Variants in MICU1 observed in about 807,000 individuals in gnomAD.
MICU1 encodes calcium uptake protein 1, mitochondrial.
In MICU1, 45 loss-of-function variants were observed where a neutral mutation model predicts 56.8. The ratio of observed to expected loss-of-function variants is 0.79; its 90% CI spans 0.62 to 1.02. The LOEUF (loss-of-function observed/expected upper bound fraction) is 1.02, where lower values mean the gene tolerates loss of function less well. Ranked by LOEUF, MICU1 falls within the 50% of genes least tolerant of loss-of-function variation. MICU1 has a pLI of 0.00. For synonymous variants in MICU1, 186 were observed against 195.1 expected (o/e 0.95, Z 0.39); for missense variants, 504 against 587.1 (o/e 0.86, Z 1.46).
chr10:72,457,939 C>T (rs536505298), intron 8 of MICU1, among the ~76,000 whole-genome samples: 37 of 151,998 alleles, frequency 2.4e-4, no homozygotes, highest in African/African-American at 8.0e-4. Context: ...GAAGCCGAGG[C>T]GGGTGGATCA....
chr10:72,481,294 A>G (rs1866286122), intron 6 of MICU1, among the ~76,000 whole-genome samples: 1 of 152,260 alleles, frequency 6.6e-6, no homozygotes, highest in Non-Finnish European at 1.5e-5. Flanking sequence ...TGTAGCCTTC[A>G]GGGCAATTTT....
intron 1 of MICU1, among the ~76,000 whole-genome samples, chr10:72,618,088 G>A (rs1192476898): frequency 6.6e-6 from 1 of 151,036 alleles, no homozygotes; most frequent in African/African-American, 2.4e-5. Context: ...ATTCGCTTGA[G>A]CCTGGGAGGT....
At chr10:72,574,764 T>C (rs1293811827) in intron 1 of MICU1, among the ~76,000 whole-genome samples, 1 of 152,136 alleles carries the variant, frequency 6.6e-6, no homozygotes, top group Non-Finnish European at 1.5e-5. Context: ...GAGGAAAGGA[T>C]AAAGGGAAGC....
At chr10:72,455,985 C>T (rs745723890) in intron 8 of MICU1, among the ~76,000 whole-genome samples, 28 of 152,108 alleles carry the variant, frequency 1.8e-4, no homozygotes, top group Admixed American at 8.5e-4. Flanking sequence ...TACTGATCTA[C>T]AGTGCTGGAA....
intron 5 of MICU1, chr10:72,528,850 A>G (rs1311711424): frequency 6.2e-6 from 1 of 161,244 alleles, no homozygotes; most frequent in Non-Finnish European, 1.4e-5. Context: ...AAATGTGTTC[A>G]TATTCTCTTT....
chr10:72,427,773 T>C (rs994138555), intron 8 of MICU1, among the ~76,000 whole-genome samples: 1 of 146,306 alleles, frequency 6.8e-6, no homozygotes, highest in Non-Finnish European at 1.5e-5. Flanking sequence ...TATATATGAA[T>C]GATAAATTTC....
rs531687394 is a variant in MICU1 at position 72,582,547 on chromosome 10, G to C, written c.-1-15753C>G. 7.2e-5 allele frequency among the ~76,000 whole-genome samples: 11 copies of C among 152,176 alleles called. 1 individual carries two copies. In the South Asian group the frequency reaches 2.3e-3, roughly 32 times the overall value. ...TTGAGCTCAAGCAATCTTGAACCTT[G>C]TCAGGTTCAAGACCAACCTGGACAA... On this transcript the variant is annotated intron_variant, in intron 1 of 11. Coordinates refer to ENST00000361114, the MANE Select transcript of MICU1 (RefSeq NM_001195518.2).
At chr10:72,522,927 A>G (rs1170027436) in intron 5 of MICU1, among the ~76,000 whole-genome samples, 1 of 152,178 alleles carries the variant, frequency 6.6e-6, no homozygotes, top group Non-Finnish European at 1.5e-5. Flanking sequence ...TAATGTAAAA[A>G]GTTTATTCAT....
At chr10:72,425,153 A>G (rs981033154) in intron 8 of MICU1, among the ~76,000 whole-genome samples, 3 of 152,232 alleles carry the variant, frequency 2.0e-5, no homozygotes, top group African/African-American at 7.2e-5. Context: ...GTAAAAGTTC[A>G]CCTATGGGCT....
At chr10:72,543,697 T>C (rs1295630162) in intron 4 of MICU1, among the ~76,000 whole-genome samples, 2 of 151,898 alleles carry the variant, frequency 1.3e-5, no homozygotes, top group African/African-American at 2.4e-5. Context: ...CTACCAAAAA[T>C]ACAAAAAATT....
At chr10:72,434,364 A>G in intron 8 of MICU1, among the ~76,000 whole-genome samples, 1 of 151,980 alleles carries the variant, frequency 6.6e-6, no homozygotes, top group East Asian at 1.9e-4. Context: ...TAAGCCTTAA[A>G]CTCTGGCAGA....
intron 11 of MICU1, among the ~76,000 whole-genome samples, chr10:72,372,570 G>A (rs1296768140): frequency 6.6e-6 from 1 of 152,218 alleles, no homozygotes; most frequent in Non-Finnish European, 1.5e-5. Context: ...CAGGTGTGGT[G>A]GCTCATGCCT....
At chr10:72,583,128 G>GA (rs1033638113) in intron 1 of MICU1, 162 of 134,600 alleles carry the variant, frequency 1.2e-3, no homozygotes, top group African/African-American at 1.4e-3. Context: ...ATACAAGGCA[G>GA]AAAAAAAAAA....
intron 8 of MICU1, among the ~76,000 whole-genome samples, chr10:72,433,141 T>C (rs1011642848): frequency 6.6e-6 from 1 of 150,976 alleles, no homozygotes; most frequent in Admixed American, 6.6e-5. Context: ...GGGTTCACCA[T>C]GTTGGCCAGG....
intron 4 of MICU1, among the ~76,000 whole-genome samples, chr10:72,539,129 A>C (rs1302927008): frequency 6.6e-6 from 1 of 152,170 alleles, no homozygotes; most frequent in Non-Finnish European, 1.5e-5. Flanking sequence ...AGAGATTGCA[A>C]TACAATAATA....
intron 4 of MICU1, among the ~76,000 whole-genome samples, chr10:72,542,602 T>C (rs1286532222): frequency 5.3e-5 from 8 of 152,176 alleles, no homozygotes; most frequent in Non-Finnish European, 7.4e-5. Flanking sequence ...TGGGGGTGCC[T>C]GCAATTCCTG....
chr10:72,483,231 AG>A (rs1866361209), intron 6 of MICU1: 1 of 152,360 alleles, frequency 6.6e-6, no homozygotes, highest in Non-Finnish European at 1.5e-5. Context: ...TTAGCCATGA[AG>A]ACAAGGAAAC....
chr10:72,440,182 G>A (rs183239509), intron 8 of MICU1, among the ~76,000 whole-genome samples: 1 of 152,244 alleles, frequency 6.6e-6, no homozygotes, highest in East Asian at 1.9e-4. Flanking sequence ...AAGCAGCATG[G>A]TACTGGTACC....
chr10:72,387,783 T>TA (rs397762364), intron 10 of MICU1, among the ~76,000 whole-genome samples: 2 of 150,374 alleles, frequency 1.3e-5, no homozygotes, highest in Non-Finnish European at 3.0e-5. Context: ...TTTTTTTTTT[T>TA]AAGGATGATT....
Sources: allele counts gnomAD v4.1 joint callset (sites outside exome capture counted in the v4.1 genomes callset), GRCh38; gene constraint gnomAD v4.1.1; transcripts MANE v1.5; gene names NCBI Gene and HGNC (gene_info 2026-07-23, HGNC 2026-07-21).